The following FAM222A variants were observed in gnomAD, a reference collection of about 807,000 sequenced individuals.
FAM222A encodes family with sequence similarity 222 member A.
Under a neutral mutation model 25.8 loss-of-function variants are expected in FAM222A, and 7 were observed. The observed-to-expected ratio is 0.27, with a 90% CI of 0.15 to 0.51. The LOEUF (loss-of-function observed/expected upper bound fraction) is 0.51, where lower values mean the gene tolerates loss of function less well. Among genes scored for constraint, FAM222A ranks in the 20% least tolerant of loss-of-function variants. The pLI is 0.97. For missense variants in FAM222A, 573 were observed against 640.5 expected (o/e 0.89, Z 1.14); for synonymous variants, 294 against 298.8 (o/e 0.98, Z 0.17).
intron 2 of FAM222A, among the ~76,000 whole-genome samples, chr12:109,764,544 G>A (rs2136384490): frequency 6.6e-6 from 1 of 152,272 alleles, no homozygotes; most frequent in Non-Finnish European, 1.5e-5. Context: ...AAAGTATAAT[G>A]GTGAGGACAA....
intron 2 of FAM222A, among the ~76,000 whole-genome samples, chr12:109,766,158 AG>A (rs1174148288): frequency 2.6e-5 from 4 of 152,198 alleles, no homozygotes; most frequent in Non-Finnish European, 4.4e-5. Context: ...CTCATTCTAC[AG>A]GTGGGAAAAC....
Position 109,728,568 on chromosome 12 carries a change from G to A in FAM222A, c.-47+13671G>A, listed in dbSNP as rs548936744. On this transcript the variant is annotated intron_variant, in intron 1 of 2. Transcript: ENST00000538780. ...GGGATGGGCTTGCACCTGCCAGGCC[G>A]TACCTTCCTCTGTGCCTTTGCTCAG... Among the ~76,000 whole-genome samples, 175 of 152,296 alleles carry A rather than the reference G, an allele frequency of 1.1e-3. 1 individual carries two copies. The highest frequency in any genetic ancestry group is 2.9e-3 in the East Asian group (15 of 5,176).
rs1394081967 is a variant in FAM222A, at chr12:109,713,932, G to GGCGCGGC, written c.-1004_-998dup. 6.8e-6 allele frequency among the ~76,000 whole-genome samples: 1 copy of GGCGCGGC among 146,082 alleles called. No homozygotes were observed. Among genetic ancestry groups the GGCGCGGC allele is most frequent in the African/African-American group, 2.5e-5 (1 of 40,706 alleles). ...GGACAGCCGGGCCCGGCGCCTGTGG[G>GGCGCGGC]GCGCGGCGCGCGGCACCCGGGCCTG... On this transcript the variant is annotated 5_prime_UTR_variant, in exon 1 of 3. Transcript: ENST00000538780.
chr12:109,742,401 A>G (rs2136340785), intron 1 of FAM222A, among the ~76,000 whole-genome samples: 1 of 152,346 alleles, frequency 6.6e-6, no homozygotes, highest in East Asian at 1.9e-4. Context: ...AAGGACTTTC[A>G]TCCCTGCAAT....
At chr12:109,759,562 T>A (rs1344432471) in intron 2 of FAM222A, among the ~76,000 whole-genome samples, 1 of 152,236 alleles carries the variant, frequency 6.6e-6, no homozygotes, top group Non-Finnish European at 1.5e-5. Context: ...TTAACACACC[T>A]GTAAAAGGCC....
chr12:109,721,437 A>C (rs1158564216), intron 1 of FAM222A, among the ~76,000 whole-genome samples: 1 of 151,226 alleles, frequency 6.6e-6, no homozygotes, highest in Non-Finnish European at 1.5e-5. Context: ...GGCTTGCCTT[A>C]TGCCGCTGTG....
intron 1 of FAM222A, chr12:109,735,987 T>C (rs1592783907): frequency 6.6e-6 from 1 of 152,320 alleles, no homozygotes; most frequent in South Asian, 2.1e-4. Context: ...TCCATGGCTC[T>C]GGGAGAGGGC....
chr12:109,762,671 T>C (rs912087052), intron 2 of FAM222A, among the ~76,000 whole-genome samples: 1 of 152,192 alleles, frequency 6.6e-6, no homozygotes, highest in African/African-American at 2.4e-5. Flanking sequence ...GTCTAGAGCC[T>C]TCACCAAGCT....
chr12:109,756,839 A>C (rs1181305857), intron 2 of FAM222A, among the ~76,000 whole-genome samples: 2 of 152,184 alleles, frequency 1.3e-5, no homozygotes, highest in African/African-American at 2.4e-5. Flanking sequence ...TGGTTTTAGA[A>C]TTAGGGTAAT....
intron 1 of FAM222A, among the ~76,000 whole-genome samples, chr12:109,727,631 G>A (rs1241109692): frequency 6.6e-6 from 1 of 152,310 alleles, no homozygotes; most frequent in East Asian, 1.9e-4. Flanking sequence ...GTTCACGGAG[G>A]ACAGGCAACT....
At chr12:109,720,601 C>T (rs560526455) in intron 1 of FAM222A, among the ~76,000 whole-genome samples, 3 of 152,356 alleles carry the variant, frequency 2.0e-5, no homozygotes, top group East Asian at 1.9e-4. Flanking sequence ...TGGCAGTAAC[C>T]GATAGCCAAT....
At chr12:109,740,605 G>C (rs1861814) in intron 1 of FAM222A, among the ~76,000 whole-genome samples, 19,809 of 152,192 alleles carry the variant, frequency 0.13, 1,530 homozygotes, top group East Asian at 0.32. Context: ...ACATGCCCCA[G>C]TCCTGTCCCT....
intron 1 of FAM222A, among the ~76,000 whole-genome samples, chr12:109,726,512 G>A (rs1330890430): frequency 6.6e-6 from 1 of 152,190 alleles, no homozygotes; most frequent in Non-Finnish European, 1.5e-5. Context: ...CCATCCTCCC[G>A]CACCCACCCC....
chr12:109,755,287 C>CTTTTTTTTTTT (rs540689300), intron 2 of FAM222A, among the ~76,000 whole-genome samples: 6 of 49,426 alleles, frequency 1.2e-4, no homozygotes, highest in East Asian at 6.9e-4. Context: ...TGTAATTCTT[C>CTTTTTTTTTTT]TTTTTTTTTT....
chr12:109,730,080 C>G (rs1887917790), intron 1 of FAM222A, among the ~76,000 whole-genome samples: 1 of 152,164 alleles, frequency 6.6e-6, no homozygotes, highest in Non-Finnish European at 1.5e-5. Context: ...AGTCTGCCTT[C>G]GAGGTCCCTC....
intron 1 of FAM222A, among the ~76,000 whole-genome samples, chr12:109,733,664 A>G (rs974663962): frequency 6.6e-6 from 1 of 152,010 alleles, no homozygotes; most frequent in African/African-American, 2.4e-5. Flanking sequence ...CGGCCTCCCA[A>G]AAGTGCTGGG....
intron 1 of FAM222A, among the ~76,000 whole-genome samples, chr12:109,723,509 G>T (rs1428852394): frequency 6.6e-6 from 1 of 152,114 alleles, no homozygotes; most frequent in African/African-American, 2.4e-5. Flanking sequence ...TGGGTCCCGG[G>T]CCCAGTCCCT....
intron 2 of FAM222A, among the ~76,000 whole-genome samples, chr12:109,764,593 A>G (rs1253940169): frequency 6.6e-6 from 1 of 152,230 alleles, no homozygotes; most frequent in African/African-American, 2.4e-5. Context: ...CTTGCTTGGG[A>G]AGAGAGTTTA....
At chr12:109,726,119 TAAA>T (rs11464580) in intron 1 of FAM222A, among the ~76,000 whole-genome samples, 9 of 110,360 alleles carry the variant, frequency 8.2e-5, no homozygotes, top group African/African-American at 2.4e-4. Flanking sequence ...AAAAAATTGC[TAAA>T]AAAAAAAAAA....
Sources: allele counts gnomAD v4.1 joint callset (sites outside exome capture counted in the v4.1 genomes callset), GRCh38; gene constraint gnomAD v4.1.1; transcripts MANE v1.5; gene names NCBI Gene and HGNC (gene_info 2026-07-23, HGNC 2026-07-21).